WDR27: variants seen among roughly 807,000 people sequenced by gnomAD.
WDR27 encodes WD repeat domain 27, also known as WD repeat-containing protein 27.
WDR27 carries 100 observed loss-of-function variants against 114.4 expected under a neutral mutation model. The observed-to-expected ratio is 0.87, with a 90% CI of 0.74 to 1.03. The LOEUF (loss-of-function observed/expected upper bound fraction) is 1.03, where lower values mean the gene tolerates loss of function less well. Among genes scored for constraint, WDR27 ranks in the 50% least tolerant of loss-of-function variants. The pLI, the probability that WDR27 is intolerant of heterozygous loss-of-function variation, is 0.00. For missense variants in WDR27, 1,129 were observed against 1,092.9 expected (o/e 1.03, Z -0.47); for synonymous variants, 449 against 423.1 (o/e 1.06, Z -0.75).
At chr6:169,525,938 A>G (rs962701591) in intron 25 of WDR27, among the ~76,000 whole-genome samples, 1 of 152,222 alleles carries the variant, frequency 6.6e-6, no homozygotes, top group East Asian at 1.9e-4. Flanking sequence ...CTGCAGCAAC[A>G]TAGATGGAAC....
intron 1 of WDR27, among the ~76,000 whole-genome samples, chr6:169,693,185 C>A (rs1048948303): frequency 6.6e-6 from 1 of 152,110 alleles, no homozygotes; most frequent in Non-Finnish European, 1.5e-5. Context: ...GGGGTCATAT[C>A]TTTACCCTCC....
the WDR27 span, among the ~76,000 whole-genome samples, chr6:169,430,518 G>A: frequency 5.3e-5 from 8 of 152,324 alleles, no homozygotes; most frequent in South Asian, 2.1e-4. Flanking sequence ...CCCAAGTGCC[G>A]GAAACCTAGT....
chr6:169,654,369 C>T (rs1041839600), intron 13 of WDR27, among the ~76,000 whole-genome samples: 2 of 152,166 alleles, frequency 1.3e-5, no homozygotes, highest in Non-Finnish European at 2.9e-5. Context: ...ATCAATCACG[C>T]AAGAACATGA....
chr6:169,636,633 T>A (rs1252154122), intron 18 of WDR27, 129 bp from the exon 19 acceptor site: 1 of 903,532 alleles, frequency 1.1e-6, no homozygotes, highest in Admixed American at 3.5e-5. Flanking sequence ...TAAACTTTGT[T>A]AGACCCAATC....
chr6:169,612,196 C>G (rs1342487615), intron 22 of WDR27, among the ~76,000 whole-genome samples: 1 of 151,258 alleles, frequency 6.6e-6, no homozygotes, highest in Non-Finnish European at 1.5e-5. Context: ...CTTTGGGAGG[C>G]CAAGGCGGGC....
chr6:169,512,159 A>G (rs1792988440), intron 25 of WDR27, among the ~76,000 whole-genome samples: 1 of 152,200 alleles, frequency 6.6e-6, no homozygotes, highest in African/African-American at 2.4e-5. Context: ...TTGCCCTACA[A>G]ATTGTAATAG....
intron 25 of WDR27, among the ~76,000 whole-genome samples, chr6:169,562,165 G>A (rs1016936621): frequency 1.3e-5 from 2 of 152,138 alleles, no homozygotes; most frequent in Admixed American, 6.5e-5. Context: ...ATAAGGACGC[G>A]GAAGACTTGA....
intron 25 of WDR27, among the ~76,000 whole-genome samples, chr6:169,501,862 T>C (rs919174385): frequency 6.6e-6 from 1 of 152,222 alleles, no homozygotes. Flanking sequence ...AACACAGGAC[T>C]TCGTCAATGA....
intron 25 of WDR27, among the ~76,000 whole-genome samples, chr6:169,503,955 T>C (rs1270247687): frequency 6.6e-6 from 1 of 152,054 alleles, no homozygotes; most frequent in Non-Finnish European, 1.5e-5. Flanking sequence ...CATTCTGGTT[T>C]AAATTAGGAG....
At chr6:169,620,800 G>A (rs868601400) in intron 21 of WDR27, among the ~76,000 whole-genome samples, 39 of 152,170 alleles carry the variant, frequency 2.6e-4, no homozygotes, top group African/African-American at 8.2e-4. Context: ...CAAGGGGCTC[G>A]AGGTCCACCC....
At chr6:169,654,738 G>A (rs1823591962) in intron 13 of WDR27, among the ~76,000 whole-genome samples, 2 of 151,030 alleles carry the variant, frequency 1.3e-5, no homozygotes, top group Admixed American at 1.3e-4. Context: ...CGCACAGGAG[G>A]AGGCGCGCAC....
intron 21 of WDR27, among the ~76,000 whole-genome samples, chr6:169,625,365 G>A (rs919578076): frequency 2.6e-5 from 4 of 152,226 alleles, no homozygotes; most frequent in African/African-American, 9.6e-5. Context: ...TGGAACAGCA[G>A]TGTAGACACA....
intron 1 of WDR27, among the ~76,000 whole-genome samples, chr6:169,696,180 T>G (rs1297897814): frequency 6.6e-6 from 1 of 152,108 alleles, no homozygotes; most frequent in African/African-American, 2.4e-5. Context: ...AAATGACAAT[T>G]CCCTGCATAC....
In WDR27 at chr6:169,526,327, C is replaced by T. The variant is rs1794965459; in HGVS notation, c.2645+46092G>A. On this transcript the variant is annotated intron_variant, in intron 25 of 25. Coordinates refer to ENST00000448612, the MANE Select transcript of WDR27 (RefSeq NM_182552.5). ...TTGATGTGACATCTAAAATAAGCAT[C>T]CAAGGCCAGGCGCGGTGGCTCGCAC... 2.0e-5 allele frequency among the ~76,000 whole-genome samples: 3 copies of T among 151,988 alleles called. No individual in the cohort carries two copies. In the South Asian group the frequency reaches 6.2e-4, roughly 32 times the overall value.
intron 22 of WDR27, among the ~76,000 whole-genome samples, chr6:169,611,434 T>C (rs1305770673): frequency 2.0e-5 from 3 of 151,548 alleles, no homozygotes; most frequent in Non-Finnish European, 4.4e-5. Flanking sequence ...TCCTCCCAAG[T>C]AGGTGGGATT....
chr6:169,613,636 T>C lies in WDR27; in HGVS notation c.2244A>G (p.Gln748=). ...CQNKGSSFTT[Q]QPQAYNLFLT... Reference sequence around the variant, plus strand: ...GGAAAAGGTTATAAGCCTGAGGCTGTTGGGTTGTAAATGATGAACCCTATA... The same window carrying C: ...GGAAAAGGTTATAAGCCTGAGGCTGCTGGGTTGTAAATGATGAACCCTATA... The change falls in exon 22 of 26, where the codon CAA becomes CAG. Residue 748 remains glutamine (Q), a synonymous_variant. Transcript: ENST00000448612. The C allele has an allele frequency of 1.1e-5, 17 of 1,613,680 alleles. No individual in the cohort carries two copies. The highest frequency in any genetic ancestry group is 1.4e-5 in the Non-Finnish European group (17 of 1,179,648).
In WDR27 at chr6:169,613,647, A is replaced by G; in HGVS notation, c.2233T>C (p.Phe745Leu). 7.4e-6 allele frequency: 12 copies of G among 1,612,880 alleles called. No individual in the cohort carries two copies. Among genetic ancestry groups the G allele is most frequent in the Non-Finnish European group, 1.0e-5 (12 of 1,179,012 alleles). The change falls in exon 22 of 26, where the codon TTT (phenylalanine) becomes CTT (leucine). Residue 745 changes from phenylalanine to leucine, a missense_variant. Coordinates refer to ENST00000448612, the MANE Select transcript of WDR27 (RefSeq NM_182552.5). ...HQICQNKGSS[F>L]TTQQPQAYNL... is the part of the protein sequence containing the mutation. ...TAAGCCTGAGGCTGTTGGGTTGTAA[A>G]TGATGAACCCTATAATTTTAAGGGG... is the stretch of plus-strand genomic sequence containing the variant.
intron 21 of WDR27, among the ~76,000 whole-genome samples, chr6:169,632,156 C>T (rs1816564380): frequency 6.6e-6 from 1 of 150,456 alleles, no homozygotes; most frequent in Non-Finnish European, 1.5e-5. Context: ...CCACTGCACT[C>T]CCGCCTGGGT....
intron 25 of WDR27, among the ~76,000 whole-genome samples, chr6:169,531,701 T>C (rs898798283): frequency 6.6e-6 from 1 of 151,212 alleles, no homozygotes; most frequent in Non-Finnish European, 1.5e-5. Context: ...TTGCCCAGGC[T>C]GGAGTGCAGT....
Sources: allele counts gnomAD v4.1 joint callset (sites outside exome capture counted in the v4.1 genomes callset), GRCh38; gene constraint gnomAD v4.1.1; transcripts MANE v1.5; gene names NCBI Gene and HGNC (gene_info 2026-07-23, HGNC 2026-07-21).